ERVMER34-1: variants seen among roughly 807,000 people sequenced by gnomAD.
The protein encoded by ERVMER34-1 is endogenous retroviral envelope protein HEMO.
For synonymous variants in ERVMER34-1, 199 were observed against 111.7 expected, an observed-to-expected ratio of 1.78 and a Z score of -4.93; for missense variants, 471 against 295.1, an observed-to-expected ratio of 1.60 and a Z score of -4.37.
At chr4:52,751,293 C>T (rs975426065) in intron 1 of ERVMER34-1, 50 bp downstream of exon 1, 3 of 152,332 alleles carry the variant, frequency 2.0e-5, no homozygotes, top group Non-Finnish European at 4.4e-5. Flanking sequence ...AGCCCAGACC[C>T]TGCCTGGGAG....
chr4:52,748,633 C>T (rs1421999651), intron 2 of ERVMER34-1, among the ~76,000 whole-genome samples: 2 of 152,174 alleles, frequency 1.3e-5, no homozygotes, highest in Non-Finnish European at 2.9e-5. Context: ...CCAATGGATT[C>T]CCAGTTGTGC....
Position 52,743,460 on chromosome 4 carries a change from C to T in ERVMER34-1, c.*369G>A, listed in dbSNP as rs551915113. On this transcript the variant is annotated 3_prime_UTR_variant, in exon 3 of 3. Coordinates refer to ENST00000443173, the MANE Select transcript of ERVMER34-1 (RefSeq NM_001242690.2). Reference sequence around the variant, plus strand: ...GGTCTATCCAGAAGCCTACAAAGTGCTGTTGGGAGAAACTATCCTGCCCCC... The same window carrying T: ...GGTCTATCCAGAAGCCTACAAAGTGTTGTTGGGAGAAACTATCCTGCCCCC... 114 of 171,434 alleles carry T rather than the reference C, an allele frequency of 6.6e-4. No individual in the cohort carries two copies. The highest frequency in any genetic ancestry group is 2.7e-3 in the African/African-American group (112 of 42,164). The allele number at this position is 171,434 out of a possible 1,614,324, so 10.6% of individuals were successfully genotyped here.
In ERVMER34-1 at chr4:52,744,384, C is replaced by A. The variant is rs1390463585; in HGVS notation, c.1137G>T (p.Leu379Phe). 14 of 703,928 alleles carry A rather than the reference C, an allele frequency of 2.0e-5. No individual in the cohort carries two copies. In the Admixed American group the frequency reaches 2.8e-4, roughly 14 times the overall value. 43.6% of individuals were successfully genotyped at this position (703,928 alleles called of 1,614,324 possible). The stretch of plus-strand genomic sequence containing the variant: ...TTGCCTTTTCTAAATCATAAGTTCC[C>A]AAACTTGGAAAAAGGGCCCTTATTG... Reference protein sequence around the residue: ...NSTIRALFPSLGTYDLEKAIL... With the variant: ...NSTIRALFPSFGTYDLEKAIL... Residue 379 changes from leucine (L) to phenylalanine (F), a missense_variant, in exon 3 of 3, where the codon TTG becomes TTT. Physicochemically the swap from Leu to Phe is conservative, Grantham distance 22. Transcript: ENST00000443173.
At position 52,744,410 on chromosome 4, in the gene ERVMER34-1, T is replaced by C. The variant is rs1393830637; in HGVS notation, c.1111A>G (p.Thr371Ala). 1.4e-6 allele frequency: 1 copy of C among 704,172 alleles called. No homozygotes were observed. 43.6% of individuals were successfully genotyped at this position (704,172 alleles called of 1,614,324 possible). Residue 371 changes from threonine (T) to alanine (A), a missense_variant, in exon 3 of 3, where the codon ACA (threonine) becomes GCA (alanine). By Grantham distance (58) the Thr-to-Ala change is moderately conservative (BLOSUM62 0). Coordinates refer to ENST00000443173, the MANE Select transcript of ERVMER34-1 (RefSeq NM_001242690.2). ...PLYCNPKDNS[T>A]IRALFPSLGT... ...AAACTTGGAAAAAGGGCCCTTATTG[T>C]TGAATTGTCCTTGGGGTTGCAATAC...
chr4:52,750,145 T>G (rs1288040446), intron 2 of ERVMER34-1, among the ~76,000 whole-genome samples: 1 of 152,076 alleles, frequency 6.6e-6, no homozygotes, highest in Non-Finnish European at 1.5e-5. Context: ...ATTACAGGCA[T>G]GCACCACCAC....
intron 2 of ERVMER34-1, among the ~76,000 whole-genome samples, chr4:52,749,523 C>T (rs543628364): frequency 1.3e-4 from 20 of 152,096 alleles, no homozygotes; most frequent in South Asian, 6.3e-4. Flanking sequence ...TACTCTGGGC[C>T]GGGTGTGGTG....
chr4:52,745,193 C>T lies in ERVMER34-1; in HGVS notation c.328G>A (p.Gly110Ser). 1.4e-6 allele frequency: 1 copy of T among 703,996 alleles called. No individual in the cohort carries two copies. Among genetic ancestry groups the T allele is most frequent in the Non-Finnish European group, 2.6e-6 (1 of 384,986 alleles). 43.6% of individuals were successfully genotyped at this position (703,996 alleles called of 1,614,324 possible). ...AACCTTACTTGAGCAAAGGATAGAC[C>T]TTGAGCTTCCATGGAGGCTTCCCAG... ...WHWEASMEAQ[G>S]LSFAQVRLLE... The change falls in exon 3 of 3, where the codon GGT (glycine) becomes AGT (serine). Residue 110 changes from glycine to serine, a missense_variant. Transcript: ENST00000443173.
chr4:52,749,224 A>G (rs1716222760), intron 2 of ERVMER34-1, among the ~76,000 whole-genome samples: 1 of 152,142 alleles, frequency 6.6e-6, no homozygotes, highest in Non-Finnish European at 1.5e-5. Flanking sequence ...TCCTATGCCT[A>G]TGTAGTGACC....
Position 52,744,057 on chromosome 4 carries a change from T to A in ERVMER34-1, c.1464A>T (p.Arg488Ser). 1 of 705,196 alleles carries A rather than the reference T, an allele frequency of 1.4e-6. No homozygotes were observed. Among genetic ancestry groups the A allele is most frequent in the Non-Finnish European group, 2.6e-6 (1 of 385,954 alleles). The allele number at this position is 705,196 out of a possible 1,614,324, so 43.7% of individuals were successfully genotyped here. Reference sequence around the variant, plus strand: ...CAATTAAAAGCACATAGCCCCATGATCTGAACCAGTCTCCCACTTTTGCAA... The same window carrying A: ...CAATTAAAAGCACATAGCCCCATGAACTGAACCAGTCTCCCACTTTTGCAA... The part of the protein sequence containing the change: ...GIFAKVGDWF[R>S]SWGYVLLIVL... Residue 488 changes from arginine (R) to serine (S), a missense_variant, in exon 3 of 3, where the codon AGA becomes AGT. Arg to Ser is a moderately radical substitution (Grantham distance 110). Coordinates refer to ENST00000443173, the MANE Select transcript of ERVMER34-1 (RefSeq NM_001242690.2).
Position 52,744,969 on chromosome 4 carries a change from A to G in ERVMER34-1, c.552T>C (p.Cys184=). 1.4e-6 allele frequency: 1 copy of G among 704,166 alleles called. No individual in the cohort carries two copies. The highest frequency in any genetic ancestry group is 1.5e-5 in the South Asian group (1 of 67,602). The allele number at this position is 704,166 out of a possible 1,614,324, so 43.6% of individuals were successfully genotyped here. A position where few individuals can be genotyped will look rare whatever the true frequency, so the allele number is the denominator to read the frequency against. The change falls in exon 3 of 3, where the codon TGT becomes TGC. Residue 184 remains cysteine (C), a synonymous_variant. Transcript: ENST00000443173. ...DTSVCLGTRQ[C]SWFAGCTNRT... ...GGTTTGTGCAACCTGCAAACCAGGA[A>G]CATTGTCTAGTGCCTAGGCAAACAC... is the stretch of plus-strand genomic sequence containing the variant.
chr4:52,745,281 C>T lies in ERVMER34-1; in HGVS notation c.240G>A (p.Val80=), dbSNP rs1356736449. ...TCTGTACTTCTGCTTGTGGATACCA[C>T]ACCCTTTCATACATCCATTGTCCAG... is the stretch of plus-strand genomic sequence containing the variant. ...TYSGQWMYER[V]WYPQAEVQNH... Residue 80 remains valine, a synonymous_variant, in exon 3 of 3, where the codon GTG becomes GTA. Coordinates refer to ENST00000443173, the MANE Select transcript of ERVMER34-1 (RefSeq NM_001242690.2). 1 of 704,054 alleles carries T rather than the reference C, an allele frequency of 1.4e-6. No individual in the cohort carries two copies. Among genetic ancestry groups the T allele is most frequent in the Non-Finnish European group, 2.6e-6 (1 of 385,000 alleles). The allele number at this position is 704,054 out of a possible 1,614,324, so 43.6% of individuals were successfully genotyped here. A position where few individuals can be genotyped will look rare whatever the true frequency, so the allele number is the denominator to read the frequency against.
intron 2 of ERVMER34-1, among the ~76,000 whole-genome samples, chr4:52,750,323 A>G (rs752550801): frequency 8.5e-5 from 13 of 152,158 alleles, no homozygotes; most frequent in Non-Finnish European, 1.8e-4. Flanking sequence ...CGACCTCAGC[A>G]TATACTCCCA....
In ERVMER34-1 at chr4:52,744,874, C is replaced by T. The variant is rs1213190127; in HGVS notation, c.647G>A (p.Arg216Gln). The T allele has an allele frequency of 2.7e-5, 19 of 703,838 alleles. No homozygotes were observed. Among genetic ancestry groups the T allele is most frequent in the East Asian group, 2.1e-4 (8 of 37,286 alleles). The allele number at this position is 703,838 out of a possible 1,614,324, so 43.6% of individuals were successfully genotyped here. Residue 216 changes from arginine (R) to glutamine (Q), a missense_variant, in exon 3 of 3, where the codon CGA becomes CAA. By Grantham distance (43) the Arg-to-Gln change is conservative. Transcript: ENST00000443173. The stretch of plus-strand genomic sequence containing the variant: ...ACCTGACCAGGTCAATCCAGAATTT[C>T]GATCTACCCATTTGTAGTCTTGGGT... ...PNTQDYKWVD[R>Q]NSGLTWSGND...
At chr4:52,748,585 G>A (rs1425622157) in intron 2 of ERVMER34-1, among the ~76,000 whole-genome samples, 2 of 152,258 alleles carry the variant, frequency 1.3e-5, no homozygotes, top group East Asian at 3.9e-4. Context: ...TCCTGATCTC[G>A]AAGGCAGGTG....
rs952043190 is a variant in ERVMER34-1, at chr4:52,742,792, C to G, written c.*1037G>C. 6.6e-6 allele frequency: 1 copy of G among 151,814 alleles called. No individual in the cohort carries two copies. Among genetic ancestry groups the G allele is most frequent in the Non-Finnish European group, 1.5e-5 (1 of 68,122 alleles). 9.4% of individuals were successfully genotyped at this position (151,814 alleles called of 1,614,324 possible). A position where few individuals can be genotyped will look rare whatever the true frequency, so the allele number is the denominator to read the frequency against. On this transcript the variant is annotated 3_prime_UTR_variant, in exon 3 of 3. Coordinates refer to ENST00000443173, the MANE Select transcript of ERVMER34-1 (RefSeq NM_001242690.2). ...AATTAGTCAGGCGTGGTGGCAGGCG[C>G]CTGTAGTCCCAGCTACTCAGGAGGG...
At chr4:52,749,461 G>A (rs1197631012) in intron 2 of ERVMER34-1, among the ~76,000 whole-genome samples, 1 of 151,866 alleles carries the variant, frequency 6.6e-6, no homozygotes, top group Non-Finnish European at 1.5e-5. Flanking sequence ...CACAGAGTTG[G>A]CTTCTAAACC....
intron 2 of ERVMER34-1, chr4:52,748,142 CT>C: frequency 5.2e-6 from 1 of 192,098 alleles, no homozygotes; most frequent in Non-Finnish European, 1.1e-5. Context: ...TCTTGTGCCC[CT>C]TTTAAGGTTG....
chr4:52,743,923 G>T lies in ERVMER34-1; in HGVS notation c.1598C>A (p.Ser533Ter). 7.5e-7 allele frequency: 1 copy of T among 1,325,588 alleles called. No homozygotes were observed. Among genetic ancestry groups the T allele is most frequent in the Non-Finnish European group, 1.0e-6 (1 of 953,596 alleles). 82.1% of individuals were successfully genotyped at this position (1,325,588 alleles called of 1,614,324 possible). Reference protein sequence around the residue: ...PLNLALSPQQSAQLLVSETSC... With the variant: ...PLNLALSPQQ Reference sequence around the variant, plus strand: ...AGTTTCACTGACAAGGAGCTGTGCTGATTGCTGTGGAGATAAGGCTAGGTT... The same window carrying T: ...AGTTTCACTGACAAGGAGCTGTGCTTATTGCTGTGGAGATAAGGCTAGGTT... Residue 533 changes from serine to a stop codon, truncating the protein, a stop_gained, in exon 3 of 3, where the codon TCA becomes TAA. Coordinates refer to ENST00000443173, the MANE Select transcript of ERVMER34-1 (RefSeq NM_001242690.2). LOFTEE classifies it low-confidence loss of function (END_TRUNC).
chr4:52,750,731 T>G (rs1451749729), intron 2 of ERVMER34-1, 199 bp downstream of exon 2: 1 of 152,326 alleles, frequency 6.6e-6, no homozygotes, highest in African/African-American at 2.4e-5. Flanking sequence ...ACAGGAACCA[T>G]GCCAACCATA....
Sources: allele counts gnomAD v4.1 joint callset (sites outside exome capture counted in the v4.1 genomes callset), GRCh38; gene constraint gnomAD v4.1.1; transcripts MANE v1.5; gene names NCBI Gene and HGNC (gene_info 2026-07-23, HGNC 2026-07-21).